ITPR2: variants seen among roughly 807,000 people sequenced by gnomAD.
ITPR2 encodes inositol 1,4,5-trisphosphate-gated calcium channel ITPR2.
In ITPR2, 207 loss-of-function variants were observed where a neutral mutation model predicts 317.1. That is an observed-to-expected ratio of 0.65 (90% CI 0.58 to 0.73). ITPR2 has a LOEUF of 0.73. Ranked by LOEUF, ITPR2 falls within the 30% of genes least tolerant of loss-of-function variation. The probability of loss-of-function intolerance (pLI) is 0.00; values close to 1 mark genes in which losing one functional copy is unlikely to be tolerated. For missense variants in ITPR2, 2,613 were observed against 3,284.0 expected, an observed-to-expected ratio of 0.80 and a Z score of 4.99; for synonymous variants, 1,156 against 1,149.1, an observed-to-expected ratio of 1.01 and a Z score of -0.12.
At chr12:26,536,575 T>C (rs1027085201) in intron 37 of ITPR2, among the ~76,000 whole-genome samples, 4 of 150,656 alleles carry the variant, frequency 2.7e-5, no homozygotes, top group East Asian at 3.8e-4. Context: ...TGTCAGAGCA[T>C]TGGGATGCCT....
At position 26,649,818 on chromosome 12, in the gene ITPR2, T is replaced by C. The variant is rs867409423; in HGVS notation, c.2740+4158A>G. Among the ~76,000 whole-genome samples the C allele has an allele frequency of 1.1e-4, 15 of 132,892 alleles. No homozygotes were observed. In the East Asian group the frequency reaches 2.5e-3, roughly 22 times the overall value. 87.2% of individuals were successfully genotyped at this position (132,892 alleles called of 152,430 possible). A position where few individuals can be genotyped will look rare whatever the true frequency, so the allele number is the denominator to read the frequency against. ...ATAGATAGATAGATAGATAGATAGATAGATAGACAGACAGACAGATAGATA... is the reference window on the plus strand; with the variant it reads ...ATAGATAGATAGATAGATAGATAGACAGATAGACAGACAGACAGATAGATA... On this transcript the variant is annotated intron_variant, in intron 21 of 56. Coordinates refer to ENST00000381340, the MANE Select transcript of ITPR2 (RefSeq NM_002223.4).
chr12:26,640,524 A>G (rs1337090106), intron 21 of ITPR2, among the ~76,000 whole-genome samples: 3 of 152,156 alleles, frequency 2.0e-5, no homozygotes, highest in Admixed American at 2.0e-4. Flanking sequence ...ATAGTAATAT[A>G]TTAGACATGG....
chr12:26,827,184 A>C (rs551281380), intron 1 of ITPR2, among the ~76,000 whole-genome samples: 1 of 152,328 alleles, frequency 6.6e-6, no homozygotes, highest in African/African-American at 2.4e-5. Flanking sequence ...ATTGTCCATA[A>C]GTCAATACAA....
In ITPR2 at chr12:26,628,154, CA is replaced by C; in HGVS notation, c.2942del (p.Leu981ArgfsTer47). The part of the protein sequence containing the change: ...LKIIEILQFI[L>X]SVRLDYRISY... The stretch of plus-strand genomic sequence containing the variant: ...AGATCCTATAATCCAGTCTGACACT[CA>C]GGATAAACTATAAGAAACATTAAGA... On this transcript the variant is annotated frameshift_variant, in exon 23 of 57. Transcript: ENST00000381340. LOFTEE classifies it high-confidence loss of function. 1 of 1,593,798 alleles carries C rather than the reference CA, an allele frequency of 6.3e-7. No individual in the cohort carries two copies. Among genetic ancestry groups the C allele is most frequent in the Non-Finnish European group, 8.5e-7 (1 of 1,169,792 alleles).
Position 26,384,887 on chromosome 12 carries a change from C to G in ITPR2, c.7857+2547G>C, listed in dbSNP as rs78393188. Among the ~76,000 whole-genome samples the G allele has an allele frequency of 1.8e-3, 267 of 152,252 alleles. 1 individual carries two copies. Among genetic ancestry groups the G allele is most frequent in the African/African-American group, 6.3e-3 (261 of 41,546 alleles). ...TTCTTTTTCCTGAATGGGGGATCCC[C>G]TGGGTTCTGTCTCAAGTTTTCTCTT... On this transcript the variant is annotated intron_variant, in intron 55 of 56. Coordinates refer to ENST00000381340, the MANE Select transcript of ITPR2 (RefSeq NM_002223.4).
chr12:26,519,923 T>C (rs998658297), intron 37 of ITPR2, among the ~76,000 whole-genome samples: 3 of 152,172 alleles, frequency 2.0e-5, no homozygotes, highest in Non-Finnish European at 4.4e-5. Context: ...GAAACAAACA[T>C]ACATACTGTG....
Position 26,578,734 on chromosome 12 carries a change from T to C in ITPR2, c.4609A>G (p.Ile1537Val), listed in dbSNP as rs1475584874. 2 of 1,605,294 alleles carry C rather than the reference T, an allele frequency of 1.2e-6. No individual in the cohort carries two copies. Among genetic ancestry groups the C allele is most frequent in the African/African-American group, 1.3e-5 (1 of 74,850 alleles). The stretch of plus-strand genomic sequence containing the variant: ...TTACCCACTTCAGCCAAAGTTCTGA[T>C]ACAGGATTCCACTGAGGCTTTCTGC... ...PAQKASVESC[I>V]RTLAEVAKNR... Residue 1537 changes from isoleucine (I) to valine (V), a missense_variant, in exon 34 of 57, where the codon ATC becomes GTC. Coordinates refer to ENST00000381340, the MANE Select transcript of ITPR2 (RefSeq NM_002223.4).
chr12:26,508,337 C>T (rs1005159762), intron 37 of ITPR2, among the ~76,000 whole-genome samples: 5 of 152,156 alleles, frequency 3.3e-5, no homozygotes, highest in African/African-American at 9.7e-5. Flanking sequence ...CAGTATGTGG[C>T]ATCACTATTA....
intron 55 of ITPR2, among the ~76,000 whole-genome samples, chr12:26,366,675 C>G (rs531741502): frequency 2.0e-5 from 3 of 152,154 alleles, no homozygotes; most frequent in Non-Finnish European, 4.4e-5. Flanking sequence ...GGAGGGTGTA[C>G]TTTAAGCAAA....
chr12:26,618,741 A>T (rs1382839043), intron 26 of ITPR2, among the ~76,000 whole-genome samples: 4 of 152,212 alleles, frequency 2.6e-5, no homozygotes, highest in Non-Finnish European at 5.9e-5. Context: ...CTTTTAAAAC[A>T]CCAAAACCGG....
At chr12:26,816,092 C>CAAA (rs11409442) in intron 1 of ITPR2, among the ~76,000 whole-genome samples, 35 of 59,408 alleles carry the variant, frequency 5.9e-4, no homozygotes, top group East Asian at 1.0e-3. Context: ...GACTCCGTCT[C>CAAA]AAAAAAAAAA....
chr12:26,485,296 A>G (rs554441376), intron 41 of ITPR2, among the ~76,000 whole-genome samples: 6 of 152,178 alleles, frequency 3.9e-5, no homozygotes, highest in Non-Finnish European at 7.3e-5. Flanking sequence ...TATTCTTCTT[A>G]AGACAACTTT....
chr12:26,656,499 C>T lies in ITPR2; in HGVS notation c.2242G>A (p.Ala748Thr). The change falls in exon 19 of 57, where the codon GCC (alanine) becomes ACC (threonine). Residue 748 changes from alanine (A) to threonine (T), a missense_variant. Physicochemically the swap from Ala to Thr is moderately conservative, Grantham distance 58. Around this residue, in one of 9 missense-constraint regions of ITPR2, gnomAD observed 817 missense variants for 897.6 expected, o/e 0.91. Coordinates refer to ENST00000381340, the MANE Select transcript of ITPR2 (RefSeq NM_002223.4). ...AGCTGTGTAGAAATCTGGTTTATGG[C>T]CAGATACTGGCGATCCAAGCACATC... is the stretch of plus-strand genomic sequence containing the variant. ...ARMCLDRQYL[A>T]INQISTQLSV... 6.2e-7 allele frequency: 1 copy of T among 1,614,176 alleles called. No individual in the cohort carries two copies. Among genetic ancestry groups the T allele is most frequent in the Non-Finnish European group, 8.5e-7 (1 of 1,180,036 alleles).
chr12:26,400,130 C>G lies in ITPR2; in HGVS notation c.7528G>C (p.Asp2510His). 6.2e-7 allele frequency: 1 copy of G among 1,606,614 alleles called. No individual in the cohort carries two copies. Among genetic ancestry groups the G allele is most frequent in the Non-Finnish European group, 8.5e-7 (1 of 1,176,252 alleles). The change falls in exon 53 of 57, where the codon GAT becomes CAT. Residue 2510 changes from aspartate (D) to histidine (H), a missense_variant and splice_region_variant. Asp to His is a moderately conservative substitution (Grantham distance 81). This residue lies in a region of ITPR2 where 113 missense variants were observed against 129.2 expected (regional missense o/e 0.87). Coordinates refer to ENST00000381340, the MANE Select transcript of ITPR2 (RefSeq NM_002223.4). ...AAAATACTTTTACTCTGGCTTACATCTTTCGATGGCCTTCTTAGCACATCC... is the reference window on the plus strand; with the variant it reads ...AAAATACTTTTACTCTGGCTTACATGTTTCGATGGCCTTCTTAGCACATCC... ...VGDVLRRPSK[D>H]EPLFAARVVY...
intron 34 of ITPR2, among the ~76,000 whole-genome samples, chr12:26,565,740 T>A (rs1388947146): frequency 6.6e-6 from 1 of 150,956 alleles, no homozygotes; most frequent in Non-Finnish European, 1.5e-5. Flanking sequence ...GAGTTTGAGG[T>A]TGTAGTACAC....
intron 2 of ITPR2, among the ~76,000 whole-genome samples, chr12:26,772,563 A>T (rs1426368552): frequency 3.6e-5 from 5 of 140,040 alleles, no homozygotes; most frequent in Admixed American, 7.4e-5. Context: ...TACATGTATT[A>T]TATATATATA....
chr12:26,537,990 A>G (rs757940608), intron 37 of ITPR2, among the ~76,000 whole-genome samples: 1 of 152,244 alleles, frequency 6.6e-6, no homozygotes, highest in Non-Finnish European at 1.5e-5. Flanking sequence ...CATAAAAAAT[A>G]TCTTAAGTTG....
chr12:26,420,100 C>T (rs1296023808), intron 49 of ITPR2, among the ~76,000 whole-genome samples: 2 of 152,110 alleles, frequency 1.3e-5, no homozygotes, highest in Non-Finnish European at 2.9e-5. Flanking sequence ...ATACTGAGAT[C>T]CTTTGGCAAT....
chr12:26,578,087 C>CT (rs1945317130), intron 34 of ITPR2, among the ~76,000 whole-genome samples: 1 of 152,084 alleles, frequency 6.6e-6, no homozygotes, highest in South Asian at 2.1e-4. Flanking sequence ...CAAGCTCTTC[C>CT]TTTTTTGTTC....
Sources: gnomAD v4.1 joint callset for allele counts (sites outside exome capture counted in the v4.1 genomes callset) on GRCh38, gnomAD v4.1.1 for gene constraint, gnomAD v4.1.1 regional missense constraint, MANE v1.5 for transcripts, NCBI Gene and HGNC (gene_info 2026-07-23, HGNC 2026-07-21) for gene names.